The following CSTL1 variants were observed in gnomAD, a reference collection of about 807,000 sequenced individuals.
The protein encoded by CSTL1 is cystatin like 1.
CSTL1 carries 14 observed loss-of-function variants against 14.4 expected under a neutral mutation model. The observed-to-expected ratio is 0.97, with a 90% CI of 0.64 to 1.52. The LOEUF (loss-of-function observed/expected upper bound fraction) is 1.52, where lower values mean the gene tolerates loss of function less well. CSTL1 is among the 40% of genes most tolerant of loss of function. The pLI, the probability that CSTL1 is intolerant of heterozygous loss-of-function variation, is 0.00. For missense variants in CSTL1, 170 were observed against 168.7 expected (o/e 1.01, Z -0.04); for synonymous variants, 72 against 67.5 (o/e 1.07, Z -0.33).
downstream of CSTL1, among the ~76,000 whole-genome samples, chr20:23,449,323 G>A (rs572969164): frequency 9.8e-5 from 15 of 152,296 alleles, no homozygotes; most frequent in African/African-American, 3.4e-4. Context: ...CAATACTGAT[G>A]GGAACTGAAC....
chr20:23,445,048 T>G (rs1986938302), downstream of CSTL1: 2 of 644,322 alleles, frequency 3.1e-6, no homozygotes, highest in East Asian at 5.5e-5. Context: ...ATGCTCATAC[T>G]CACGACACCC....
At chr20:23,451,830 T>G in the CSTL1 span, 1 of 1,613,782 alleles carries the variant, frequency 6.2e-7, no homozygotes, top group Non-Finnish European at 8.5e-7. Flanking sequence ...TGAAGCTCCC[T>G]TTCCTGGGGG....
chr20:23,455,897 C>T, the CSTL1 span, among the ~76,000 whole-genome samples: 1 of 152,212 alleles, frequency 6.6e-6, no homozygotes, highest in Non-Finnish European at 1.5e-5. Flanking sequence ...ACCACATCCT[C>T]CAGCCCTCTT....
chr20:23,446,311 C>T (rs1390358925), downstream of CSTL1, among the ~76,000 whole-genome samples: 2 of 151,792 alleles, frequency 1.3e-5, no homozygotes, highest in Non-Finnish European at 2.9e-5. Flanking sequence ...GCTGGAGTGC[C>T]GTGGCACGAT....
At chr20:23,457,840 T>A in the CSTL1 span, among the ~76,000 whole-genome samples, 1 of 152,148 alleles carries the variant, frequency 6.6e-6, no homozygotes, top group South Asian at 2.1e-4. Context: ...TTGCTGCAAA[T>A]TCCTTTGAAA....
At chr20:23,445,586 A>G (rs1282218575), downstream of CSTL1, among the ~76,000 whole-genome samples, 1 of 152,190 alleles carries the variant, frequency 6.6e-6, no homozygotes, top group Non-Finnish European at 1.5e-5. Flanking sequence ...CAGAATGTTC[A>G]TAATCATTGG....
At chr20:23,451,706 C>G in the CSTL1 span, 7 of 780,998 alleles carry the variant, frequency 9.0e-6, no homozygotes, top group Non-Finnish European at 1.5e-5. Flanking sequence ...GCATTCTTTT[C>G]AAGCCAGCTT....
At position 23,443,966 on chromosome 20, in the gene CSTL1, G is replaced by A. The variant is rs1986902546; in HGVS notation, c.252G>A (p.Val84=). The change falls in exon 3 of 4, where the codon GTG becomes GTA. Residue 84 remains valine (V), a synonymous_variant. Transcript: ENST00000347397. ...CGGGAGTGGAGTATATAGTCACTGT[G>A]AAGATTGGCTGGACCAAATGCAAGA... ...LTTGVEYIVT[V]KIGWTKCKRN... 1 of 1,614,146 alleles carries A rather than the reference G, an allele frequency of 6.2e-7. No individual in the cohort carries two copies. Among genetic ancestry groups the A allele is most frequent in the African/African-American group, 1.3e-5 (1 of 75,056 alleles).
rs1442160620 is a variant in CSTL1, at chr20:23,440,285, G to A, written c.18G>A (p.Trp6Ter). 2 of 1,614,108 alleles carry A rather than the reference G, an allele frequency of 1.2e-6. No homozygotes were observed. The highest frequency in any genetic ancestry group is 1.7e-5 in the Admixed American group (1 of 60,018). Residue 6 changes from tryptophan (W) to a stop codon, truncating the protein, a stop_gained, in exon 2 of 4, where the codon TGG becomes TGA. Transcript: ENST00000347397. LOFTEE classifies it high-confidence loss of function. The part of the protein sequence containing the change: MGIGC[W>*]RNPLLLLIAL... ...CTGTAGACATGGGGATCGGATGCTG[G>A]AGAAACCCCCTGCTGCTGCTGATTG...
downstream of CSTL1, among the ~76,000 whole-genome samples, chr20:23,446,750 G>A: frequency 6.6e-6 from 1 of 152,320 alleles, no homozygotes; most frequent in East Asian, 1.9e-4. Context: ...GACAATGGCT[G>A]ACAGTGTGCC....
At chr20:23,452,667 G>A in the CSTL1 span, 1 of 1,613,956 alleles carries the variant, frequency 6.2e-7, no homozygotes, top group South Asian at 1.1e-5. Flanking sequence ...GTGATCCACT[G>A]CAAGCTGTCC....
In CSTL1 at chr20:23,440,438, C is replaced by A; in HGVS notation, c.171C>A (p.Asn57Lys). ...TTCAATCCTACAACAATGCCAGCAA[C>A]GACACCTACTTATATCGAGTCCAGA... ...FFIQSYNNAS[N>K]DTYLYRVQRL... The change falls in exon 2 of 4, where the codon AAC becomes AAA. Residue 57 changes from asparagine to lysine, a missense_variant. Physicochemically the swap from Asn to Lys is moderately conservative, Grantham distance 94. Transcript: ENST00000347397. 1 of 1,614,130 alleles carries A rather than the reference C, an allele frequency of 6.2e-7. No individual in the cohort carries two copies. The highest frequency in any genetic ancestry group is 8.5e-7 in the Non-Finnish European group (1 of 1,179,970).
Position 23,444,019 on chromosome 20 carries a change from C to A in CSTL1, c.305C>A (p.Pro102His), listed in dbSNP as rs1733322203. The change falls in exon 3 of 4, where the codon CCC becomes CAC. Residue 102 changes from proline (P) to histidine (H), a missense_variant. Pro to His is a moderately conservative substitution (Grantham distance 77, BLOSUM62 -2). Transcript: ENST00000347397. ...KRNDTSNSSCPLQSKKLRKSL... is the reference protein window; with the variant it reads ...KRNDTSNSSCHLQSKKLRKSL... The stretch of plus-strand genomic sequence containing the variant: ...AATGACACGAGCAATTCTTCCTGCC[C>A]CCTGCAAAGCAAGAAGCTGAGAAAG... 6.2e-7 allele frequency: 1 copy of A among 1,613,956 alleles called. No homozygotes were observed. Among genetic ancestry groups the A allele is most frequent in the Non-Finnish European group, 8.5e-7 (1 of 1,179,796 alleles).
At chr20:23,455,925 C>T in the CSTL1 span, among the ~76,000 whole-genome samples, 2 of 152,150 alleles carry the variant, frequency 1.3e-5, no homozygotes, top group African/African-American at 4.8e-5. Context: ...TCTTTTTTCC[C>T]CTCTGCTTTT....
chr20:23,440,740 C>A, intron 2 of CSTL1: 4 of 547,658 alleles, frequency 7.3e-6, no homozygotes, highest in African/African-American at 1.9e-5. Context: ...CAAAAGTGTT[C>A]ACTGAGGATT....
At chr20:23,451,086 T>C in the CSTL1 span, among the ~76,000 whole-genome samples, 311 of 152,242 alleles carry the variant, frequency 2.0e-3, 1 homozygote, top group African/African-American at 7.2e-3. Context: ...CATCCTTCCA[T>C]TCATCCCTCA....
At chr20:23,452,874 A>G in the CSTL1 span, 1 of 1,314,302 alleles carries the variant, frequency 7.6e-7, no homozygotes, top group Admixed American at 2.0e-5. Flanking sequence ...GTCGAATCAC[A>G]CTGACCCTAC....
the CSTL1 span, chr20:23,450,298 C>G: frequency 4.6e-6 from 2 of 434,956 alleles, no homozygotes; most frequent in Non-Finnish European, 8.2e-6. Context: ...TGTAGGTCAC[C>G]TCATTTGGAC....
At chr20:23,445,922 G>C (rs1396596461), downstream of CSTL1, among the ~76,000 whole-genome samples, 1 of 152,170 alleles carries the variant, frequency 6.6e-6, no homozygotes, top group South Asian at 2.1e-4. Flanking sequence ...AGCTTCCAGA[G>C]TTCTCTCTCG....
Sources: allele counts gnomAD v4.1 joint callset (sites outside exome capture counted in the v4.1 genomes callset), GRCh38; gene constraint gnomAD v4.1.1; transcripts MANE v1.5; gene names NCBI Gene and HGNC (gene_info 2026-07-23, HGNC 2026-07-21).